Variants in SPTY2D1 observed in about 807,000 individuals in gnomAD.
SPTY2D1 encodes the protein SPT2 chromatin protein domain containing 1.
Under a neutral mutation model 64.0 loss-of-function variants are expected in SPTY2D1, and 21 were observed. The ratio of observed to expected loss-of-function variants is 0.33; its 90% CI spans 0.23 to 0.47. The LOEUF (loss-of-function observed/expected upper bound fraction) is 0.47. SPTY2D1 is among the 20% of genes least tolerant of loss of function. The pLI is 1.00. For synonymous variants in SPTY2D1, 287 were observed against 286.8 expected, an observed-to-expected ratio of 1.00 and a Z score of -0.01; for missense variants, 724 against 837.2, an observed-to-expected ratio of 0.86 and a Z score of 1.67.
At chr11:18,614,498 T>C in intron 3 of SPTY2D1, 65 bp downstream of exon 3, 2 of 1,482,528 alleles carry the variant, frequency 1.3e-6, no homozygotes, top group East Asian at 2.3e-5. Flanking sequence ...TCCCTGATAA[T>C]ATAAAAACTC....
chr11:18,618,184 A>C (rs956365132), intron 1 of SPTY2D1, among the ~76,000 whole-genome samples: 4 of 152,160 alleles, frequency 2.6e-5, no homozygotes, highest in African/African-American at 7.2e-5. Flanking sequence ...ACCACACACA[A>C]AGGCTGGGGC....
Position 18,615,275 on chromosome 11 carries a change from C to T in SPTY2D1, c.999G>A (p.Gln333=). ...TGGCTTTGTGCTCAACAGCAGATTTCTGAGTCCTGCTAGCAGAAGTCTTTG... is the reference window on the plus strand; with the variant it reads ...TGGCTTTGTGCTCAACAGCAGATTTTTGAGTCCTGCTAGCAGAAGTCTTTG... ...SVPKTSASRT[Q]KSAVEHKAKK... Residue 333 remains glutamine, a synonymous_variant, in exon 3 of 6, where the codon CAG becomes CAA. Transcript: ENST00000336349. 1 of 1,614,210 alleles carries T rather than the reference C, an allele frequency of 6.2e-7. No homozygotes were observed. Among genetic ancestry groups the T allele is most frequent in the Non-Finnish European group, 8.5e-7 (1 of 1,180,040 alleles).
chr11:18,626,736 A>G (rs1229228451), intron 1 of SPTY2D1, among the ~76,000 whole-genome samples: 1 of 152,260 alleles, frequency 6.6e-6, no homozygotes, highest in Non-Finnish European at 1.5e-5. Flanking sequence ...AGTGCTTAGA[A>G]CAGTGCCTGG....
chr11:18,610,913 C>T (rs953673596), intron 5 of SPTY2D1, among the ~76,000 whole-genome samples: 1 of 152,154 alleles, frequency 6.6e-6, no homozygotes, highest in Admixed American at 6.5e-5. Context: ...ACTGTGTATC[C>T]ACACATGTGA....
Position 18,634,335 on chromosome 11 carries a change from A to T in SPTY2D1, c.-78T>A. The T allele has an allele frequency of 6.7e-7, 1 of 1,502,230 alleles. No individual in the cohort carries two copies. The highest frequency in any genetic ancestry group is 1.1e-5 in the South Asian group (1 of 88,782). The allele number at this position is 1,502,230 out of a possible 1,614,324, so 93.1% of individuals were successfully genotyped here. ...GCACCTAACCGAGGCGCCCAGCTAC[A>T]GCCAACTGCACTGCCTCGGGAGCCC... On this transcript the variant is annotated 5_prime_UTR_variant, in exon 1 of 6. Coordinates refer to ENST00000336349, the MANE Select transcript of SPTY2D1 (RefSeq NM_194285.3).
intron 5 of SPTY2D1, 73 bp from the exon 6 acceptor site, chr11:18,610,027 T>C (rs2134107558): frequency 7.3e-7 from 1 of 1,369,106 alleles, no homozygotes; most frequent in South Asian, 1.2e-5. Context: ...GAATGAAAAT[T>C]CCAACTGGGA....
Position 18,615,802 on chromosome 11 carries a change from C to T in SPTY2D1, c.472G>A (p.Val158Ile), listed in dbSNP as rs1293755621. Reference protein sequence around the residue: ...EPPKVESKPKVPLKSAPPPMN... With the variant: ...EPPKVESKPKIPLKSAPPPMN... Reference sequence around the variant, plus strand: ...GGTGGTGGGGCACTTTTAAGGGGGACCTTTGGTTTGCTTTCAACTTTGGGA... The same window carrying T: ...GGTGGTGGGGCACTTTTAAGGGGGATCTTTGGTTTGCTTTCAACTTTGGGA... The change falls in exon 3 of 6, where the codon GTC becomes ATC. Residue 158 changes from valine to isoleucine, a missense_variant. Transcript: ENST00000336349. 2 of 1,614,014 alleles carry T rather than the reference C, an allele frequency of 1.2e-6. No individual in the cohort carries two copies. Among genetic ancestry groups the T allele is most frequent in the African/African-American group, 1.3e-5 (1 of 75,002 alleles).
chr11:18,612,607 C>A lies in SPTY2D1; in HGVS notation c.1712-119G>T, dbSNP rs1854224644. ...ATCCTTTAAAACCAGAGCAAGCAGG[C>A]TGGCCCTTAGCGCAGAGCCATCATC... On this transcript the variant is annotated intron_variant, in intron 3 of 5. Transcript: ENST00000336349. This position sits in a 1 kb window ranked among gnomAD's most constrained non-coding sequence, Gnocchi z 4.6. 1.1e-6 allele frequency: 1 copy of A among 905,344 alleles called. No individual in the cohort carries two copies. The highest frequency in any genetic ancestry group is 1.7e-5 in the African/African-American group (1 of 59,226). The allele number at this position is 905,344 out of a possible 1,614,324, so 56.1% of individuals were successfully genotyped here. A position where few individuals can be genotyped will look rare whatever the true frequency, so the allele number is the denominator to read the frequency against.
chr11:18,624,029 G>A (rs973361956), intron 1 of SPTY2D1, among the ~76,000 whole-genome samples: 1 of 152,092 alleles, frequency 6.6e-6, no homozygotes, highest in African/African-American at 2.4e-5. Flanking sequence ...TTTTTATGTG[G>A]ATGCACATTT....
rs1008400470 is a variant in SPTY2D1, at chr11:18,607,602, G to A, written c.*2259C>T. On this transcript the variant is annotated 3_prime_UTR_variant, in exon 6 of 6. Transcript: ENST00000336349. ...CTTAATGAAATAACAGCCTACTCCA[G>A]TTTCTTCAAAGGTTTGTGAGCTTTT... The A allele has an allele frequency of 1.3e-5, 2 of 152,592 alleles. No individual in the cohort carries two copies. Among genetic ancestry groups the A allele is most frequent in the African/African-American group, 4.8e-5 (2 of 41,448 alleles). The allele number at this position is 152,592 out of a possible 1,614,324, so 9.5% of individuals were successfully genotyped here.
Position 18,621,367 on chromosome 11 carries a change from AAAGAAAAG to A in SPTY2D1, c.61-4386_61-4379del, listed in dbSNP as rs1351633784. On this transcript the variant is annotated intron_variant, in intron 1 of 5. Transcript: ENST00000336349. Reference sequence around the variant, plus strand: ...AAAGAAAAGAAAAGAAAAGAAAAGAAAAGAAAAGAAACACTGACTTAGGGAACAAAAAT... The same window carrying A: ...AAAGAAAAGAAAAGAAAAGAAAAGAAAAACACTGACTTAGGGAACAAAAAT... Among the ~76,000 whole-genome samples, 112 of 145,600 alleles carry A rather than the reference AAAGAAAAG, an allele frequency of 7.7e-4. 2 individuals carry two copies. The East Asian group carries it at 0.021, about 27-fold the overall frequency.
chr11:18,629,174 T>C (rs1319019110), intron 1 of SPTY2D1, among the ~76,000 whole-genome samples: 4 of 152,186 alleles, frequency 2.6e-5, no homozygotes, highest in Non-Finnish European at 5.9e-5. Context: ...AAAGACCATA[T>C]AAGTTGGCTT....
Position 18,608,813 on chromosome 11 carries a change from A to C in SPTY2D1, c.*1048T>G, listed in dbSNP as rs1409392856. On this transcript the variant is annotated 3_prime_UTR_variant, in exon 6 of 6. Transcript: ENST00000336349. ...AAATCTCTTCACAGTGCATAGTTTG[A>C]AATCAAAGTGCAATATGGGCAAAAA... 1 of 152,656 alleles carries C rather than the reference A, an allele frequency of 6.6e-6. No individual in the cohort carries two copies. The highest frequency in any genetic ancestry group is 1.5e-5 in the Non-Finnish European group (1 of 68,046). The allele number at this position is 152,656 out of a possible 1,614,324, so 9.5% of individuals were successfully genotyped here. A position where few individuals can be genotyped will look rare whatever the true frequency, so the allele number is the denominator to read the frequency against.
chr11:18,618,128 A>G (rs1338533136), intron 1 of SPTY2D1, among the ~76,000 whole-genome samples: 1 of 152,214 alleles, frequency 6.6e-6, no homozygotes, highest in South Asian at 2.1e-4. Flanking sequence ...TCATAGCTAC[A>G]TGTTTTATTT....
At chr11:18,623,053 A>C (rs933518283) in intron 1 of SPTY2D1, among the ~76,000 whole-genome samples, 2 of 152,242 alleles carry the variant, frequency 1.3e-5, no homozygotes, top group African/African-American at 4.8e-5. Context: ...GTTGACCAGA[A>C]GCCTTACTGA....
At chr11:18,626,389 T>C (rs1202646570) in intron 1 of SPTY2D1, among the ~76,000 whole-genome samples, 1 of 151,336 alleles carries the variant, frequency 6.6e-6, no homozygotes, top group Admixed American at 6.7e-5. Flanking sequence ...CAGACTCTAC[T>C]GTATACTAAG....
At chr11:18,631,945 A>T (rs898509227) in intron 1 of SPTY2D1, among the ~76,000 whole-genome samples, 4 of 152,146 alleles carry the variant, frequency 2.6e-5, no homozygotes, top group African/African-American at 9.7e-5. Context: ...AAGGAGTTCA[A>T]GACCAGCCTG....
rs1161910352 is a variant in SPTY2D1, at chr11:18,608,539, C to T, written c.*1322G>A. On this transcript the variant is annotated 3_prime_UTR_variant, in exon 6 of 6. Coordinates refer to ENST00000336349, the MANE Select transcript of SPTY2D1 (RefSeq NM_194285.3). ...TTCCTACAAGCTTATGTCTCACTTC[C>T]CCTAAGCCTCTGTACTTACAGTCAA... 2.0e-5 allele frequency: 3 copies of T among 152,178 alleles called. No homozygotes were observed. Among genetic ancestry groups the T allele is most frequent in the Admixed American group, 1.3e-4 (2 of 15,270 alleles). The allele number at this position is 152,178 out of a possible 1,614,324, so 9.4% of individuals were successfully genotyped here.
intron 1 of SPTY2D1, among the ~76,000 whole-genome samples, chr11:18,624,100 A>C (rs1390148670): frequency 2.0e-5 from 3 of 152,172 alleles, no homozygotes; most frequent in Admixed American, 2.0e-4. Context: ...AGACCTTTCA[A>C]AAGGGGGTTG....
Sources: gnomAD v4.1 joint callset for allele counts (sites outside exome capture counted in the v4.1 genomes callset) on GRCh38, gnomAD v4.1.1 for gene constraint, Gnocchi (gnomAD v3.1) non-coding constraint, MANE v1.5 for transcripts, NCBI Gene and HGNC (gene_info 2026-07-23, HGNC 2026-07-21) for gene names.